Variants in GABRE observed in about 807,000 individuals in gnomAD.
GABRE encodes the protein gamma-aminobutyric acid type A receptor subunit epsilon.
A neutral mutation model predicts 31.0 loss-of-function variants in GABRE; 20 were observed. That is an observed-to-expected ratio of 0.64 (90% CI 0.45 to 0.94). The LOEUF (loss-of-function observed/expected upper bound fraction) is 0.94, where lower values mean the gene tolerates loss of function less well. Ranked by LOEUF, GABRE falls within the 40% of genes least tolerant of loss-of-function variation. The pLI, the probability that GABRE is intolerant of heterozygous loss-of-function variation, is 0.00. For missense variants in GABRE, 420 were observed against 410.7 expected (o/e 1.02, Z -0.20); for synonymous variants, 155 against 150.6 (o/e 1.03, Z -0.21).
rs773586417 is a variant in GABRE, at chrX:151,969,720, G to T, written c.291C>A (p.Val97=). 6 of 1,207,883 alleles carry T rather than the reference G, an allele frequency of 5.0e-6. No homozygotes were observed. In the Admixed American group the frequency reaches 6.6e-5, roughly 13 times the overall value. The change falls in exon 3 of 9, where the codon GTC becomes GTA. Residue 97 remains valine, a synonymous_variant. Coordinates refer to ENST00000370328, the MANE Select transcript of GABRE (RefSeq NM_004961.4). ...GGCTGTTGACGGAGATCTCAACAGT[G>T]ACCACAGTGGGCTTCTCTATAAGGG... ...RPGIGEKPTV[V]TVEISVNSLG... is the part of the protein sequence containing the mutation.
At chrX:151,960,723 T>C (rs1428629652) in intron 5 of GABRE, among the ~76,000 whole-genome samples, 2 of 111,722 alleles carry the variant, frequency 1.8e-5, no homozygotes, top group African/African-American at 6.5e-5. Flanking sequence ...AGAATTAAAT[T>C]AATGCAGGTG....
In GABRE at chrX:151,954,678, C is replaced by G. The variant is rs1569452816; in HGVS notation, c.*23G>C. The G allele has an allele frequency of 8.8e-7, 1 of 1,140,257 alleles. No individual in the cohort carries two copies. Among genetic ancestry groups the G allele is most frequent in the Admixed American group, 2.5e-5 (1 of 39,280 alleles). The allele number at this position is 1,140,257 out of a possible 1,213,427, so 94.0% of individuals were successfully genotyped here. On this transcript the variant is annotated 3_prime_UTR_variant, in exon 9 of 9. Transcript: ENST00000370328. ...ACCTCCTGGGGAACTGGAGAGGTTG[C>G]CCCACAGGGTACCAGCTGGTACCTA...
Position 151,954,933 on chromosome X carries a change from C to G in GABRE, c.1289G>C (p.Ser430Thr). ...RPSCSAQQPP[S>T]PGSPEGPRSL... ...GCGGGGACCCTCAGGGCTACCTGGG[C>G]TAGGGGGCTGCTGGGCTGAGCAAGA... The change falls in exon 9 of 9, where the codon AGC (serine) becomes ACC (threonine). Residue 430 changes from serine (S) to threonine (T), a missense_variant. By Grantham distance (58) the Ser-to-Thr change is moderately conservative. Coordinates refer to ENST00000370328, the MANE Select transcript of GABRE (RefSeq NM_004961.4). The G allele has an allele frequency of 8.3e-7, 1 of 1,209,456 alleles. No individual in the cohort carries two copies. Among genetic ancestry groups the G allele is most frequent in the Non-Finnish European group, 1.1e-6 (1 of 894,374 alleles).
chrX:151,971,838 T>A (rs2335177), intron 1 of GABRE: 1 of 83,429 alleles, frequency 1.2e-5, no homozygotes. Context: ...CATGCGTGTG[T>A]GTGTGTGTGT....
chrX:151,956,923 T>C (rs956982647), intron 6 of GABRE: 4 of 113,481 alleles, frequency 3.5e-5, no homozygotes, highest in African/African-American at 1.3e-4. Context: ...TCTGCTGCTA[T>C]CATGACTCCC....
chrX:151,956,164 A>T (rs998141426), intron 6 of GABRE: 1 of 290,101 alleles, frequency 3.4e-6, no homozygotes, highest in African/African-American at 2.7e-5. Flanking sequence ...AAAGTGAAAA[A>T]ATCAATTAGC....
intron 5 of GABRE, among the ~76,000 whole-genome samples, chrX:151,961,012 G>A (rs776988746): frequency 9.0e-6 from 1 of 111,406 alleles, no homozygotes; most frequent in South Asian, 3.9e-4. Context: ...AAAAGTCCAG[G>A]TGGAAGATAA....
At chrX:151,955,685 C>T (rs367673721) in intron 7 of GABRE, 23 bp downstream of exon 7, 51 of 1,208,913 alleles carry the variant, frequency 4.2e-5, no homozygotes, top group African/African-American at 1.7e-4. Context: ...TGTGCCTATG[C>T]GTATACCTGT....
intron 1 of GABRE, among the ~76,000 whole-genome samples, chrX:151,973,022 G>C (rs1934763327): frequency 1.1e-5 from 1 of 92,820 alleles, no homozygotes; most frequent in Admixed American, 1.3e-4. Flanking sequence ...GGGCGCATAA[G>C]AAAAGATGTT....
At chrX:151,973,959 C>A (rs755043107) in intron 1 of GABRE, among the ~76,000 whole-genome samples, 1 of 111,112 alleles carries the variant, frequency 9.0e-6, no homozygotes, top group Non-Finnish European at 1.9e-5. Context: ...GGTGCGGGAA[C>A]CCTTAGACTA....
intron 3 of GABRE, 134 bp downstream of exon 3, chrX:151,969,535 A>G (rs181554002): frequency 1.2e-5 from 7 of 606,723 alleles, no homozygotes; most frequent in African/African-American, 9.2e-5. Context: ...GTGGTTAAAA[A>G]ATCCCTTTCT....
At chrX:151,955,606 T>C in intron 7 of GABRE, 39 bp from the exon 8 acceptor site, 1 of 1,193,693 alleles carries the variant, frequency 8.4e-7, no homozygotes, top group Middle Eastern at 2.3e-4. Context: ...GCTCCTGACC[T>C]ATGTGCGACA....
At chrX:151,973,763 G>A (rs745367102) in intron 1 of GABRE, among the ~76,000 whole-genome samples, 2 of 112,001 alleles carry the variant, frequency 1.8e-5, no homozygotes, top group South Asian at 3.8e-4. Flanking sequence ...AAGGTGTGAG[G>A]GAAGATGGTT....
At position 151,954,496 on chromosome X, in the gene GABRE, G is replaced by C; in HGVS notation, c.*205C>G. 2.6e-6 allele frequency: 1 copy of C among 389,962 alleles called. No homozygotes were observed. Among genetic ancestry groups the C allele is most frequent in the Non-Finnish European group, 4.5e-6 (1 of 224,519 alleles). The allele number at this position is 389,962 out of a possible 1,213,427, so 32.1% of individuals were successfully genotyped here. On this transcript the variant is annotated 3_prime_UTR_variant, in exon 9 of 9. Transcript: ENST00000370328. ...GCCCATTTATTAATAATTTGAAATG[G>C]TCTGCTGAGAAGACTCAGTGAATGG...
intron 1 of GABRE, chrX:151,972,105 C>T (rs937254440): frequency 1.6e-5 from 12 of 750,299 alleles, no homozygotes; most frequent in Non-Finnish European, 1.6e-5. Flanking sequence ...GGGCAAGAGA[C>T]GTTGGCATGA....
intron 1 of GABRE, 107 bp downstream of exon 1, chrX:151,974,463 G>A (rs1381260837): frequency 1.1e-5 from 6 of 523,270 alleles, no homozygotes; most frequent in African/African-American, 1.0e-4. Context: ...CAAAGCGGGC[G>A]CGGGGCTCGA....
chrX:151,969,639 G>C (rs1768955756), intron 3 of GABRE, 30 bp downstream of exon 3: 1 of 1,189,923 alleles, frequency 8.4e-7, no homozygotes, highest in African/African-American at 1.7e-5. Flanking sequence ...CCTGGGCTAG[G>C]AAATAGTACT....
intron 1 of GABRE, chrX:151,971,148 T>C: frequency 1.2e-6 from 1 of 865,656 alleles, no homozygotes; most frequent in Non-Finnish European, 1.4e-6. Context: ...ACCGATGGTG[T>C]TAGAAGTCCG....
intron 6 of GABRE, chrX:151,958,795 C>T (rs990951147): frequency 1.1e-4 from 29 of 270,595 alleles, no homozygotes; most frequent in African/African-American, 5.7e-4. Context: ...GTAGTAAAAC[C>T]GCTTCCCCAG....
Sources: allele counts gnomAD v4.1 joint callset (sites outside exome capture counted in the v4.1 genomes callset), GRCh38; gene constraint gnomAD v4.1.1; transcripts MANE v1.5; gene names NCBI Gene and HGNC (gene_info 2026-07-23, HGNC 2026-07-21).